Variants in NFIA observed in about 807,000 individuals in gnomAD.
NFIA encodes the protein nuclear factor 1 A-type.
In NFIA, 8 loss-of-function variants were observed where a neutral mutation model predicts 62.8. That is an observed-to-expected ratio of 0.13 (90% CI 0.07 to 0.23). The LOEUF (loss-of-function observed/expected upper bound fraction) is 0.23. NFIA is among the 10% of genes least tolerant of loss of function. The pLI is 1.00. For missense variants in NFIA, 410 were observed against 642.1 expected (o/e 0.64, Z 3.91); for synonymous variants, 235 against 238.1 (o/e 0.99, Z 0.12).
chr1:61,406,242 T>C (rs188565374), intron 8 of NFIA, among the ~76,000 whole-genome samples: 1 of 152,278 alleles, frequency 6.6e-6, no homozygotes, highest in East Asian at 1.9e-4. Flanking sequence ...AAAAGTTGGT[T>C]ACTCAGGGGA....
intron 2 of NFIA, among the ~76,000 whole-genome samples, chr1:61,186,865 T>C (rs1651221685): frequency 6.6e-6 from 1 of 152,176 alleles, no homozygotes; most frequent in South Asian, 2.1e-4. Flanking sequence ...AAAGAGAGGT[T>C]ATGTGGCATG....
chr1:61,420,406 A>T (rs907440549), intron 9 of NFIA, among the ~76,000 whole-genome samples: 3 of 152,000 alleles, frequency 2.0e-5, no homozygotes, highest in East Asian at 1.9e-4. Flanking sequence ...ATGACAGTGC[A>T]GTTAAAAGAT....
chr1:61,096,179 G>A (rs1055657180), intron 2 of NFIA, among the ~76,000 whole-genome samples: 21 of 152,036 alleles, frequency 1.4e-4, no homozygotes, highest in African/African-American at 4.3e-4. Flanking sequence ...TTTCAATTTC[G>A]TGCCCTTAAA....
At chr1:61,092,559 A>T (rs371604424) in intron 2 of NFIA, among the ~76,000 whole-genome samples, 1 of 152,058 alleles carries the variant, frequency 6.6e-6, no homozygotes, top group African/African-American at 2.4e-5. Flanking sequence ...AACCTACTCA[A>T]CAGTATTACT....
chr1:61,271,646 G>A (rs1050765052), intron 2 of NFIA, among the ~76,000 whole-genome samples: 4 of 152,172 alleles, frequency 2.6e-5, no homozygotes. Context: ...GTCTGAATCA[G>A]GAGTAGAGGA....
chr1:61,152,548 A>G (rs1570272144), intron 2 of NFIA, among the ~76,000 whole-genome samples: 1 of 152,304 alleles, frequency 6.6e-6, no homozygotes, highest in East Asian at 1.9e-4. Context: ...AAGGTCTGTC[A>G]GTATTTCTAT....
At position 61,332,574 on chromosome 1, in the gene NFIA, A is replaced by G. The variant is rs1181255934; in HGVS notation, c.688A>G (p.Arg230Gly). The change falls in exon 4 of 11, where the codon AGA becomes GGA. Residue 230 changes from arginine (R) to glycine (G), a missense_variant. Coordinates refer to ENST00000403491, the MANE Select transcript of NFIA (RefSeq NM_001134673.4). ...SGVFSVTELV[R>G]VSQTPIAAGT... is the part of the protein sequence containing the mutation. Reference sequence around the variant, plus strand: ...TGTTTTTAGTGTCACTGAGCTAGTAAGAGTGTCACAGAGTAAGTATAATTT... The same window carrying G: ...TGTTTTTAGTGTCACTGAGCTAGTAGGAGTGTCACAGAGTAAGTATAATTT... 1.2e-6 allele frequency: 2 copies of G among 1,613,832 alleles called. No homozygotes were observed. The highest frequency in any genetic ancestry group is 1.7e-6 in the Non-Finnish European group (2 of 1,179,774).
intron 9 of NFIA, among the ~76,000 whole-genome samples, chr1:61,422,175 A>G (rs1041766454): frequency 1.3e-5 from 2 of 152,172 alleles, no homozygotes; most frequent in African/African-American, 4.8e-5. Flanking sequence ...AAATACAAGA[A>G]TCATTTGAGC....
intron 2 of NFIA, among the ~76,000 whole-genome samples, chr1:61,139,081 AGCACAAGAACT>A (rs1647308514): frequency 6.6e-6 from 1 of 152,086 alleles, no homozygotes; most frequent in Non-Finnish European, 1.5e-5. Flanking sequence ...GGGAGACTGA[AGCACAAGAACT>A]GCTTGAACCC....
At chr1:61,329,670 A>C (rs1661183827) in intron 3 of NFIA, among the ~76,000 whole-genome samples, 2 of 151,980 alleles carry the variant, frequency 1.3e-5, no homozygotes, top group South Asian at 4.2e-4. Context: ...CCCTGCCGTA[A>C]TTTTTTTTAC....
At chr1:61,208,041 A>C (rs979503212) in intron 2 of NFIA, among the ~76,000 whole-genome samples, 1 of 148,530 alleles carries the variant, frequency 6.7e-6, no homozygotes, top group Non-Finnish European at 1.5e-5. Flanking sequence ...ACTGTCTGCA[A>C]TGCGTGAAGC....
intron 9 of NFIA, among the ~76,000 whole-genome samples, chr1:61,417,829 T>G (rs949807038): frequency 6.6e-6 from 1 of 152,202 alleles, no homozygotes; most frequent in East Asian, 1.9e-4. Context: ...CCATCCTATT[T>G]GCAAAGCCTC....
At chr1:61,124,530 C>T (rs1646937319) in intron 2 of NFIA, among the ~76,000 whole-genome samples, 1 of 152,062 alleles carries the variant, frequency 6.6e-6, no homozygotes, top group African/African-American at 2.4e-5. Context: ...TATTTGAATA[C>T]TGAGAGATTC....
intron 6 of NFIA, among the ~76,000 whole-genome samples, chr1:61,375,540 G>A (rs941056321): frequency 1.3e-5 from 2 of 152,134 alleles, no homozygotes; most frequent in East Asian, 1.9e-4. Flanking sequence ...GTACTCCCCC[G>A]CGCCCTCACC....
intron 4 of NFIA, among the ~76,000 whole-genome samples, chr1:61,337,873 C>T (rs1661696684): frequency 6.6e-6 from 1 of 152,194 alleles, no homozygotes; most frequent in Non-Finnish European, 1.5e-5. Flanking sequence ...AAATATCACT[C>T]CTGGTAGGAA....
intron 2 of NFIA, among the ~76,000 whole-genome samples, chr1:61,115,998 A>G (rs1297528196): frequency 6.8e-6 from 1 of 147,502 alleles, no homozygotes; most frequent in African/African-American, 2.5e-5. Context: ...TTATCTGAGG[A>G]GTGTCTGCCA....
intron 3 of NFIA, among the ~76,000 whole-genome samples, chr1:61,314,840 T>A (rs927384720): frequency 3.3e-5 from 5 of 152,206 alleles, no homozygotes; most frequent in Non-Finnish European, 7.3e-5. Flanking sequence ...CTTCCTGGTG[T>A]GAATCAAGCC....
intron 2 of NFIA, among the ~76,000 whole-genome samples, chr1:61,183,611 T>C (rs1208578498): frequency 1.3e-5 from 2 of 152,230 alleles, no homozygotes; most frequent in Middle Eastern, 3.2e-3. Context: ...CACTTGCTCC[T>C]TTGGCCCCCA....
At chr1:61,419,308 G>A (rs1295008930) in intron 9 of NFIA, among the ~76,000 whole-genome samples, 3 of 152,044 alleles carry the variant, frequency 2.0e-5, no homozygotes, top group Non-Finnish European at 4.4e-5. Context: ...AAATTAGCTG[G>A]GCACCTTGGC....
Sources: allele counts gnomAD v4.1 joint callset (sites outside exome capture counted in the v4.1 genomes callset), GRCh38; gene constraint gnomAD v4.1.1; transcripts MANE v1.5; gene names NCBI Gene and HGNC (gene_info 2026-07-23, HGNC 2026-07-21).